Variants in RTP2 observed in about 807,000 individuals in gnomAD.
RTP2 encodes receptor-transporting protein 2.
RTP2 carries 12 observed loss-of-function variants against 17.9 expected under a neutral mutation model. The ratio of observed to expected loss-of-function variants is 0.67; its 90% CI spans 0.43 to 1.09. The LOEUF is 1.09. Among genes scored for constraint, RTP2 ranks in the 50% least tolerant of loss-of-function variants. The pLI is 0.00. For missense variants in RTP2, 327 were observed against 295.7 expected (o/e 1.11, Z -0.78); for synonymous variants, 126 against 117.7 (o/e 1.07, Z -0.46).
In RTP2 at chr3:187,702,472, G is replaced by T; in HGVS notation, c.-344C>A. On this transcript the variant is annotated 5_prime_UTR_variant, in exon 1 of 2. It introduces an in-frame stop codon into an upstream open reading frame of the 5' UTR. Coordinates refer to ENST00000358241, the Ensembl canonical transcript of RTP2. ...CTGGATTTCCAGAGGTCTCCAGGAG[G>T]CAAGGACTATTTGGTGGCCCTGCTT... The T allele has an allele frequency of 2.1e-6, 1 of 480,860 alleles. No individual in the cohort carries two copies. The highest frequency in any genetic ancestry group is 1.5e-5 in the South Asian group (1 of 64,790). The allele number at this position is 480,860 out of a possible 1,614,324, so 29.8% of individuals were successfully genotyped here. A position where few individuals can be genotyped will look rare whatever the true frequency, so the allele number is the denominator to read the frequency against.
At chr3:187,706,222 T>C (rs753340738), upstream of RTP2, among the ~76,000 whole-genome samples, 22 of 152,194 alleles carry the variant, frequency 1.4e-4, no homozygotes, top group Non-Finnish European at 2.9e-4. Context: ...GAGACGCAGA[T>C]CTTACATGAG....
intron 1 of RTP2, among the ~76,000 whole-genome samples, chr3:187,700,655 T>C (rs1717821617): frequency 6.6e-6 from 1 of 152,212 alleles, no homozygotes; most frequent in Non-Finnish European, 1.5e-5. Context: ...TACATCAAGT[T>C]AGGCCTCACA....
exon 2 of RTP2, chr3:187,698,752 C>A: frequency 6.2e-7 from 1 of 1,613,942 alleles, no homozygotes; most frequent in Non-Finnish European, 8.5e-7. Context: ...GGGCGGCTGG[C>A]CACGTGGATG....
chr3:187,709,332 G>A, the RTP2 span, among the ~76,000 whole-genome samples: 18 of 152,286 alleles, frequency 1.2e-4, no homozygotes, highest in African/African-American at 4.1e-4. Flanking sequence ...GCCCCTATCT[G>A]AAACCTGCAT....
the RTP2 span, among the ~76,000 whole-genome samples, chr3:187,712,127 G>A: frequency 1.3e-5 from 2 of 151,968 alleles, no homozygotes; most frequent in East Asian, 3.8e-4. Context: ...ACACACATAC[G>A]CACATACACA....
chr3:187,706,439 T>C (rs1043380726), upstream of RTP2, among the ~76,000 whole-genome samples: 2 of 152,110 alleles, frequency 1.3e-5, no homozygotes, highest in Non-Finnish European at 2.9e-5. Context: ...GAAAACCCAC[T>C]GACCAGAATA....
chr3:187,698,663 C>A, exon 2 of RTP2: 1 of 1,614,218 alleles, frequency 6.2e-7, no homozygotes, highest in Non-Finnish European at 8.5e-7. Flanking sequence ...CCTCCTCCAG[C>A]AGCTTCTCGC....
the RTP2 span, among the ~76,000 whole-genome samples, chr3:187,713,044 A>G: frequency 6.6e-6 from 1 of 152,184 alleles, no homozygotes. Flanking sequence ...TCTCCCACCC[A>G]AAACCACCCA....
chr3:187,704,596 T>A (rs1717944187), upstream of RTP2, among the ~76,000 whole-genome samples: 1 of 152,172 alleles, frequency 6.6e-6, no homozygotes, highest in Non-Finnish European at 1.5e-5. Context: ...AATGAGCTAG[T>A]GGTTTATAAT....
upstream of RTP2, among the ~76,000 whole-genome samples, chr3:187,707,029 A>G (rs531570910): frequency 6.6e-6 from 1 of 152,360 alleles, no homozygotes; most frequent in South Asian, 2.1e-4. Flanking sequence ...TGGAAAAATT[A>G]TATGAAGGCT....
At chr3:187,705,726 G>A (rs1444550780), upstream of RTP2, among the ~76,000 whole-genome samples, 1 of 152,154 alleles carries the variant, frequency 6.6e-6, no homozygotes, top group Non-Finnish European at 1.5e-5. Context: ...AAGGCTGTTT[G>A]GCCCCAACAC....
chr3:187,706,505 A>T (rs79263607), upstream of RTP2, among the ~76,000 whole-genome samples: 8,768 of 152,358 alleles, frequency 0.058, 307 homozygotes, highest in East Asian at 0.1. Context: ...AAATGGCCAC[A>T]ACTACAAGCC....
At chr3:187,704,782 G>A (rs538854837), upstream of RTP2, among the ~76,000 whole-genome samples, 6 of 152,232 alleles carry the variant, frequency 3.9e-5, no homozygotes, top group African/African-American at 7.2e-5. Context: ...AGCACTTAGC[G>A]ACAGCATGGT....
At chr3:187,699,774 CACACACACAT>C (rs3223683) in intron 1 of RTP2, among the ~76,000 whole-genome samples, 37,048 of 84,712 alleles carry the variant, frequency 0.44, 5,976 homozygotes, top group East Asian at 0.62. Context: ...CACACACACA[CACACACACAT>C]ATATTTTCTC....
the RTP2 span, among the ~76,000 whole-genome samples, chr3:187,710,772 G>A: frequency 1.3e-5 from 2 of 151,940 alleles, no homozygotes; most frequent in Non-Finnish European, 1.5e-5. Context: ...AACATTTCTG[G>A]GTTTTCGACT....
chr3:187,708,169 C>T, the RTP2 span, among the ~76,000 whole-genome samples: 1 of 152,148 alleles, frequency 6.6e-6, no homozygotes, highest in Admixed American at 6.6e-5. Context: ...TCCAGTAGTA[C>T]ATCAGCATGT....
upstream of RTP2, among the ~76,000 whole-genome samples, chr3:187,705,022 G>T (rs1480798277): frequency 1.3e-5 from 2 of 152,116 alleles, no homozygotes; most frequent in African/African-American, 4.8e-5. Flanking sequence ...GCACCCCAAA[G>T]GCTCTGGAAT....
chr3:187,699,859 G>A (rs1717802233), intron 1 of RTP2, among the ~76,000 whole-genome samples: 1 of 151,720 alleles, frequency 6.6e-6, no homozygotes, highest in East Asian at 1.9e-4. Flanking sequence ...CCAGTCTCAG[G>A]AAGTGTTGTG....
At chr3:187,703,155 G>A (rs1041803857), upstream of RTP2, among the ~76,000 whole-genome samples, 1 of 152,332 alleles carries the variant, frequency 6.6e-6, no homozygotes, top group East Asian at 1.9e-4. Context: ...CTGAAGGGAG[G>A]CTGCCTTGAG....
Sources: allele counts gnomAD v4.1 joint callset (sites outside exome capture counted in the v4.1 genomes callset), GRCh38; gene constraint gnomAD v4.1.1; transcripts MANE v1.5; gene names NCBI Gene and HGNC (gene_info 2026-07-23, HGNC 2026-07-21).